FRAS1: variants seen among roughly 807,000 people sequenced by gnomAD.
FRAS1 encodes the protein extracellular matrix organizing protein FRAS1.
Under a neutral mutation model 435.2 loss-of-function variants are expected in FRAS1, and 290 were observed. The observed-to-expected ratio is 0.67, with a 90% CI of 0.61 to 0.73. The LOEUF (loss-of-function observed/expected upper bound fraction) is 0.73. Ranked by LOEUF, FRAS1 falls within the 30% of genes least tolerant of loss-of-function variation. FRAS1 has a pLI of 0.00. For missense variants in FRAS1, 4,860 were observed against 5,001.5 expected (o/e 0.97, Z 0.85); for synonymous variants, 1,800 against 1,851.0 (o/e 0.97, Z 0.71).
chr4:78,536,051 A>C (rs1721870131), intron 71 of FRAS1, among the ~76,000 whole-genome samples: 1 of 152,198 alleles, frequency 6.6e-6, no homozygotes, highest in African/African-American at 2.4e-5. Flanking sequence ...AATGGGAATA[A>C]TAATTGAAGC....
At chr4:78,309,720 T>C (rs1728940672) in intron 15 of FRAS1, among the ~76,000 whole-genome samples, 1 of 152,174 alleles carries the variant, frequency 6.6e-6, no homozygotes, top group Non-Finnish European at 1.5e-5. Flanking sequence ...CACCTTCTTC[T>C]GTGTCTTCTG....
chr4:78,466,451 A>G lies in FRAS1; in HGVS notation c.7257+16A>G. Reference sequence around the variant, plus strand: ...GGGAAAAGAGGTGAGGGGTGAGGACACTGGAGGAGGTAGCCTAGCACTGCA... The same window carrying G: ...GGGAAAAGAGGTGAGGGGTGAGGACGCTGGAGGAGGTAGCCTAGCACTGCA... On this transcript the variant is annotated intron_variant, in intron 50 of 73. Coordinates refer to ENST00000512123, the MANE Select transcript of FRAS1 (RefSeq NM_025074.7). 6.3e-7 allele frequency: 1 copy of G among 1,589,210 alleles called. No homozygotes were observed. Among genetic ancestry groups the G allele is most frequent in the East Asian group, 2.2e-5 (1 of 44,460 alleles).
chr4:78,163,830 C>T (rs1051547282), intron 2 of FRAS1, among the ~76,000 whole-genome samples: 10 of 152,322 alleles, frequency 6.6e-5, no homozygotes, highest in Admixed American at 2.0e-4. Flanking sequence ...TCCTTCTGCT[C>T]GAACAGAAGC....
At chr4:78,450,079 C>T (rs2109834653) in intron 44 of FRAS1, 72 bp from the exon 45 acceptor site, 1 of 1,247,166 alleles carries the variant, frequency 8.0e-7, no homozygotes, top group East Asian at 2.4e-5. Context: ...CCTCCAGTCT[C>T]CTAAAATCAT....
chr4:78,196,115 C>G (rs1722801109), intron 2 of FRAS1, among the ~76,000 whole-genome samples: 1 of 152,152 alleles, frequency 6.6e-6, no homozygotes, highest in Non-Finnish European at 1.5e-5. Context: ...TCATGCCATT[C>G]TCCTGCCTCA....
rs771224751 is a variant in FRAS1, at chr4:78,077,834, T to C, written c.108+11818T>C. 1.4e-4 allele frequency among the ~76,000 whole-genome samples: 21 copies of C among 152,134 alleles called. 1 individual carries two copies. Among genetic ancestry groups the C allele is most frequent in the Non-Finnish European group, 2.6e-4 (18 of 68,008 alleles). On this transcript the variant is annotated intron_variant, in intron 2 of 73. Transcript: ENST00000512123. ...ACTTTTGAGGAGGAAGAACTTTCTT[T>C]TTTGTTTTTTTCTAAGAGAAAATGG...
At chr4:78,525,870 C>T (rs1578374218) in intron 69 of FRAS1, among the ~76,000 whole-genome samples, 1 of 152,290 alleles carries the variant, frequency 6.6e-6, no homozygotes, top group East Asian at 1.9e-4. Context: ...TCCTGGGCCC[C>T]CCATAAACAG....
Position 78,132,030 on chromosome 4 carries a change from C to A in FRAS1, c.108+66014C>A, listed in dbSNP as rs373767378. 6.0e-4 allele frequency among the ~76,000 whole-genome samples: 91 copies of A among 152,272 alleles called. 3 individuals are homozygous for A. The highest frequency in any genetic ancestry group is 2.1e-3 in the African/African-American group (89 of 41,560). The stretch of plus-strand genomic sequence containing the variant: ...ACCCTTCTTTATTTCAGTATGGTCC[C>A]AGTCTTAGCCTGTAAATGTTAAAAT... On this transcript the variant is annotated intron_variant, in intron 2 of 73. Coordinates refer to ENST00000512123, the MANE Select transcript of FRAS1 (RefSeq NM_025074.7).
intron 27 of FRAS1, among the ~76,000 whole-genome samples, chr4:78,383,094 G>T (rs561283682): frequency 5.3e-5 from 8 of 152,278 alleles, no homozygotes; most frequent in Admixed American, 5.2e-4. Context: ...TTCTGTGCTT[G>T]GTTTGGCATT....
chr4:78,142,280 G>C (rs1230073946), intron 2 of FRAS1, among the ~76,000 whole-genome samples: 3 of 151,972 alleles, frequency 2.0e-5, no homozygotes, highest in Non-Finnish European at 4.4e-5. Flanking sequence ...CTATCAGTTA[G>C]GTCAATCCAG....
chr4:78,249,889 T>A (rs1725451139), intron 4 of FRAS1, among the ~76,000 whole-genome samples: 2 of 152,166 alleles, frequency 1.3e-5, no homozygotes, highest in South Asian at 4.1e-4. Context: ...TGTTTCTTGG[T>A]AGTAACAAAA....
chr4:78,279,012 A>G (rs998317220), intron 10 of FRAS1, among the ~76,000 whole-genome samples: 18 of 152,204 alleles, frequency 1.2e-4, no homozygotes, highest in African/African-American at 4.3e-4. Flanking sequence ...GCTGAGGAGC[A>G]CTACATAGAA....
At chr4:78,270,547 G>A (rs950880575) in intron 9 of FRAS1, among the ~76,000 whole-genome samples, 1,049 of 65,300 alleles carry the variant, frequency 0.016, 11 homozygotes, top group African/African-American at 0.057. Context: ...CCGCCACCCC[G>A]CCCCCCCGCC....
Position 78,317,374 on chromosome 4 carries a change from A to G in FRAS1, c.1826A>G (p.His609Arg). 2 of 1,613,824 alleles carry G rather than the reference A, an allele frequency of 1.2e-6. No homozygotes were observed. Among genetic ancestry groups the G allele is most frequent in the Non-Finnish European group, 1.7e-6 (2 of 1,179,848 alleles). Reference protein sequence around the residue: ...ADATGRCKVCHNSCASCSGPT... With the variant: ...ADATGRCKVCRNSCASCSGPT... ...CTCTCACTCTCTTCCTCAGTTTGTC[A>G]TAACTCATGTGCCAGCTGCTCTGGG... The change falls in exon 17 of 74, where the codon CAT becomes CGT. Residue 609 changes from histidine to arginine, a missense_variant. By Grantham distance (29) the His-to-Arg change is conservative. Transcript: ENST00000512123.
intron 2 of FRAS1, among the ~76,000 whole-genome samples, chr4:78,085,012 A>G (rs17002927): frequency 0.052 from 7,904 of 152,224 alleles, 270 homozygotes; most frequent in Admixed American, 0.082. Flanking sequence ...CTGTGCTATT[A>G]CATGACTGTG....
At chr4:78,361,071 C>A (rs924468049) in intron 20 of FRAS1, among the ~76,000 whole-genome samples, 3 of 152,178 alleles carry the variant, frequency 2.0e-5, no homozygotes, top group Admixed American at 1.3e-4. Flanking sequence ...GATAACGGAG[C>A]CTTGAATCTG....
intron 71 of FRAS1, among the ~76,000 whole-genome samples, chr4:78,535,014 C>T (rs1012224858): frequency 2.6e-5 from 4 of 152,216 alleles, no homozygotes; most frequent in Non-Finnish European, 4.4e-5. Flanking sequence ...AAATGGCTCA[C>T]TTCACGGTCA....
Position 78,404,049 on chromosome 4 carries a change from C to T in FRAS1, c.4129+3162C>T, listed in dbSNP as rs184227443. The stretch of plus-strand genomic sequence containing the variant: ...ACTTGATTAATACTTGTATCTGTAG[C>T]TACTTACTTAGATTTGAAAGTAGAT... On this transcript the variant is annotated intron_variant, in intron 30 of 73. Transcript: ENST00000512123. 2.0e-5 allele frequency among the ~76,000 whole-genome samples: 3 copies of T among 152,230 alleles called. No homozygotes were observed. The East Asian group carries it at 5.8e-4, about 29-fold the overall frequency.
Position 78,348,039 on chromosome 4 carries a change from CG to C in FRAS1, c.2422+10223del, listed in dbSNP as rs1267926461. 3.7e-3 allele frequency among the ~76,000 whole-genome samples: 27 copies of C among 7,362 alleles called. 9 individuals carry two copies. The highest frequency in any genetic ancestry group is 3.4e-3 in the Admixed American group (3 of 894). 4.8% of individuals were successfully genotyped at this position (7,362 alleles called of 152,430 possible). The stretch of plus-strand genomic sequence containing the variant: ...TCCGGTCTACAGCTCCCAGCGTGAG[CG>C]ACGCAGAAGACGGGTGATTTCTGCA... On this transcript the variant is annotated intron_variant, in intron 20 of 73. Transcript: ENST00000512123.
Sources: allele counts gnomAD v4.1 joint callset (sites outside exome capture counted in the v4.1 genomes callset), GRCh38; gene constraint gnomAD v4.1.1; transcripts MANE v1.5; gene names NCBI Gene and HGNC (gene_info 2026-07-23, HGNC 2026-07-21).